The following CCNB2 variants were observed in gnomAD, a reference collection of about 807,000 sequenced individuals.
CCNB2 encodes the protein cyclin B2.
In CCNB2, 39 loss-of-function variants were observed where a neutral mutation model predicts 51.1. That is an observed-to-expected ratio of 0.76 (90% CI 0.59 to 1.00). The LOEUF is 1.00. CCNB2 is among the 50% of genes least tolerant of loss of function. CCNB2 has a pLI of 0.00. For synonymous variants in CCNB2, 174 were observed against 165.5 expected, an observed-to-expected ratio of 1.05 and a Z score of -0.40; for missense variants, 472 against 470.3, an observed-to-expected ratio of 1.00 and a Z score of -0.03.
chr15:59,123,043 A>G (rs2079309746), intron 7 of CCNB2, among the ~76,000 whole-genome samples: 1 of 152,180 alleles, frequency 6.6e-6, no homozygotes, highest in African/African-American at 2.4e-5. Flanking sequence ...TGTTGCTTGT[A>G]GCACAGTTTA....
rs17464539 is a variant in CCNB2 at position 59,122,164 on chromosome 15, C to G, written c.976-1353C>G. On this transcript the variant is annotated intron_variant, in intron 7 of 8. Coordinates refer to ENST00000288207, the MANE Select transcript of CCNB2 (RefSeq NM_004701.4). ...ATTGTGGTTTATTTTGCCAATTATACCATGCATATGAAAAAAACGTACTTT... is the reference window on the plus strand; with the variant it reads ...ATTGTGGTTTATTTTGCCAATTATAGCATGCATATGAAAAAAACGTACTTT... 5.4e-3 allele frequency among the ~76,000 whole-genome samples: 811 copies of G among 150,570 alleles called. 7 individuals carry two copies. The highest frequency in any genetic ancestry group is 0.019 in the African/African-American group (772 of 40,996).
chr15:59,124,784 T>C lies in CCNB2; in HGVS notation c.1104T>C (p.Tyr368=), dbSNP rs201563397. The stretch of plus-strand genomic sequence containing the variant: ...TTCTGCAGGCCATCAAGAATAAGTA[T>C]GCAAGCAGCAAACTCCTGAAGATCA... The part of the protein sequence containing the change: ...LTKFIAIKNK[Y]ASSKLLKISM... The change falls in exon 9 of 9, where the codon TAT becomes TAC. Residue 368 remains tyrosine (Y), a synonymous_variant. Transcript: ENST00000288207. 6.2e-6 allele frequency: 10 copies of C among 1,613,760 alleles called. No homozygotes were observed. The highest frequency in any genetic ancestry group is 5.9e-6 in the Non-Finnish European group (7 of 1,179,874).
chr15:59,111,670 C>T (rs2079257665), intron 3 of CCNB2, among the ~76,000 whole-genome samples: 1 of 152,142 alleles, frequency 6.6e-6, no homozygotes, highest in African/African-American at 2.4e-5. Context: ...ACAGGCTATC[C>T]TGCTGACATC....
rs536086391 is a variant in CCNB2, at chr15:59,114,871, T to C, written c.592T>C (p.Leu198=). The change falls in exon 5 of 9, where the codon TTA becomes CTA. Residue 198 remains leucine (L), a synonymous_variant. Coordinates refer to ENST00000288207, the MANE Select transcript of CCNB2 (RefSeq NM_004701.4). The part of the protein sequence containing the change: ...YMCVGIMDRF[L]QVQPVSRKKL... The stretch of plus-strand genomic sequence containing the variant: ...GTGCGTTGGCATTATGGATCGATTT[T>C]TACAGGTAGGTGTGGCTTCAGGGAC... 16 of 1,612,602 alleles carry C rather than the reference T, an allele frequency of 9.9e-6. 1 individual carries two copies. In the African/African-American group the frequency reaches 1.6e-4, roughly 16 times the overall value.
chr15:59,111,761 C>A (rs533562238), intron 3 of CCNB2, among the ~76,000 whole-genome samples: 1 of 152,120 alleles, frequency 6.6e-6, no homozygotes, highest in African/African-American at 2.4e-5. Context: ...AAGGTCTTAC[C>A]GTCTCTGGTA....
chr15:59,114,953 G>C (rs1382535276), intron 5 of CCNB2, 77 bp downstream of exon 5: 4 of 1,420,652 alleles, frequency 2.8e-6, no homozygotes, highest in Non-Finnish European at 3.8e-6. Context: ...GAAAACTAAA[G>C]TGGGTACTTC....
intron 3 of CCNB2, among the ~76,000 whole-genome samples, chr15:59,111,429 A>G (rs2079256888): frequency 1.3e-5 from 2 of 152,218 alleles, no homozygotes; most frequent in South Asian, 2.1e-4. Context: ...GATAACCTCT[A>G]TCTCCTTAAA....
In CCNB2 at chr15:59,107,428, C is replaced by T. The variant is rs1320696326; in HGVS notation, c.131C>T (p.Thr44Ile). ...GAAGAAATTGGAAATAGAGTTACAA[C>T]CAGAGCAGCACAAGTAGCTAAGGTA... ...VLEEIGNRVT[T>I]RAAQVAKKAQ... The change falls in exon 2 of 9, where the codon ACC becomes ATC. Residue 44 changes from threonine to isoleucine, a missense_variant. By Grantham distance (89) the Thr-to-Ile change is moderately conservative. Transcript: ENST00000288207. 3 of 1,613,604 alleles carry T rather than the reference C, an allele frequency of 1.9e-6. No homozygotes were observed. Among genetic ancestry groups the T allele is most frequent in the African/African-American group, 2.7e-5 (2 of 74,866 alleles).
intron 7 of CCNB2, among the ~76,000 whole-genome samples, chr15:59,122,369 C>T (rs1297765381): frequency 6.7e-6 from 1 of 148,786 alleles, no homozygotes; most frequent in African/African-American, 2.5e-5. Flanking sequence ...CTGCCTCAGG[C>T]GCACACCACC....
In CCNB2 at chr15:59,107,577, T is replaced by G. The variant is rs1308851596; in HGVS notation, c.174T>G (p.Val58=). The G allele has an allele frequency of 5.6e-6, 9 of 1,614,048 alleles. No homozygotes were observed. Among genetic ancestry groups the G allele is most frequent in the Non-Finnish European group, 6.8e-6 (8 of 1,180,042 alleles). The change falls in exon 3 of 9, where the codon GTT becomes GTG. Residue 58 remains valine, a synonymous_variant. Transcript: ENST00000288207. ...QVAKKAQNTK[V]PVQPTKTTNV... Reference sequence around the variant, plus strand: ...TATAGAAAGCTCAGAACACCAAAGTTCCAGTTCAACCCACCAAAACAACAA... The same window carrying G: ...TATAGAAAGCTCAGAACACCAAAGTGCCAGTTCAACCCACCAAAACAACAA...
At chr15:59,114,954 TG>T in intron 5 of CCNB2, 78 bp downstream of exon 5, 1 of 1,398,870 alleles carries the variant, frequency 7.1e-7, no homozygotes. Flanking sequence ...AAAACTAAAG[TG>T]GGTACTTCTG....
At chr15:59,123,891 C>T (rs1411891928) in intron 8 of CCNB2, 1 of 388,156 alleles carries the variant, frequency 2.6e-6, no homozygotes, top group African/African-American at 2.0e-5. Context: ...CAGTCGGTTA[C>T]TCAATGTATT....
intron 1 of CCNB2, among the ~76,000 whole-genome samples, chr15:59,105,766 A>G (rs1291466268): frequency 6.6e-6 from 1 of 152,214 alleles, no homozygotes; most frequent in Non-Finnish European, 1.5e-5. Flanking sequence ...TCATCAGGCA[A>G]CTGCCAGGCT....
At chr15:59,116,640 C>T (rs921186021) in intron 5 of CCNB2, 50 bp from the exon 6 acceptor site, 4 of 1,303,480 alleles carry the variant, frequency 3.1e-6, no homozygotes, top group Non-Finnish European at 4.4e-6. Context: ...CCACCTAAAG[C>T]TTCACTCTTC....
At chr15:59,111,856 C>CTTTTTTTTTT (rs11327656) in intron 3 of CCNB2, among the ~76,000 whole-genome samples, 2 of 133,984 alleles carry the variant, frequency 1.5e-5, no homozygotes, top group Non-Finnish European at 3.2e-5. Flanking sequence ...TTCTTTCTTT[C>CTTTTTTTTTT]TTTTTTTTTT....
intron 1 of CCNB2, 110 bp from the exon 2 acceptor site, chr15:59,107,212 G>C: frequency 2.1e-6 from 2 of 957,818 alleles, no homozygotes; most frequent in Non-Finnish European, 3.1e-6. Flanking sequence ...CTTGCAAATA[G>C]ATCTTGACGT....
intron 5 of CCNB2, 104 bp downstream of exon 5, chr15:59,114,980 A>G: frequency 1.6e-6 from 2 of 1,234,776 alleles, no homozygotes; most frequent in Non-Finnish European, 2.3e-6. Context: ...AAAGACCAAA[A>G]ATCAAATTGT....
At position 59,114,569 on chromosome 15, in the gene CCNB2, C is replaced by T; in HGVS notation, c.393C>T (p.Cys131=). ...AAGATTGGGAGAACCCTCAGCTCTG[C>T]AGTGACTACGTTAAGGATATCTATC... is the stretch of plus-strand genomic sequence containing the variant. The part of the protein sequence containing the change: ...DNEDWENPQL[C]SDYVKDIYQY... Residue 131 remains cysteine (C), a synonymous_variant, in exon 4 of 9, where the codon TGC becomes TGT. Coordinates refer to ENST00000288207, the MANE Select transcript of CCNB2 (RefSeq NM_004701.4). The T allele has an allele frequency of 1.2e-6, 2 of 1,611,570 alleles. No individual in the cohort carries two copies. The highest frequency in any genetic ancestry group is 3.3e-4 in the Middle Eastern group (2 of 6,040).
At position 59,116,914 on chromosome 15, in the gene CCNB2, A is replaced by G. The variant is rs754577593; in HGVS notation, c.822A>G (p.Ser274=). ...PLPLHFLRRA[S]KAGEVDVEQH... ...CACTACACTTCTTAAGGCGAGCATC[A>G]AAAGCCGGGGAGGTAAGTGCCTCCA... Residue 274 remains serine, a synonymous_variant, in exon 6 of 9, where the codon TCA becomes TCG. Coordinates refer to ENST00000288207, the MANE Select transcript of CCNB2 (RefSeq NM_004701.4). The G allele has an allele frequency of 2.6e-5, 42 of 1,613,276 alleles. No homozygotes were observed. The highest frequency in any genetic ancestry group is 3.5e-5 in the Non-Finnish European group (41 of 1,179,360).
Sources: allele counts gnomAD v4.1 joint callset (sites outside exome capture counted in the v4.1 genomes callset), GRCh38; gene constraint gnomAD v4.1.1; transcripts MANE v1.5; gene names NCBI Gene and HGNC (gene_info 2026-07-23, HGNC 2026-07-21).